RSPO4: variants seen among roughly 807,000 people sequenced by gnomAD.
RSPO4 encodes the protein R-spondin-4.
RSPO4 carries 23 observed loss-of-function variants against 24.8 expected under a neutral mutation model. The ratio of observed to expected loss-of-function variants is 0.93; its 90% CI spans 0.67 to 1.31. The LOEUF is 1.31. RSPO4 is among the 40% of genes most tolerant of loss of function. The probability of loss-of-function intolerance (pLI) is 0.00; values close to 1 mark genes in which losing one functional copy is unlikely to be tolerated. For synonymous variants in RSPO4, 141 were observed against 127.4 expected (o/e 1.11, Z -0.72); for missense variants, 333 against 316.5 (o/e 1.05, Z -0.39).
intron 1 of RSPO4, among the ~76,000 whole-genome samples, chr20:996,047 T>C (rs1985272807): frequency 6.6e-6 from 1 of 152,194 alleles, no homozygotes; most frequent in South Asian, 2.1e-4. Context: ...TTGGCAAAAA[T>C]CGCAGCCTCT....
intron 1 of RSPO4, among the ~76,000 whole-genome samples, chr20:969,508 T>C (rs1033258189): frequency 6.6e-6 from 1 of 152,144 alleles, no homozygotes; most frequent in African/African-American, 2.4e-5. Context: ...CCTGCGAATC[T>C]GCCCCCTTCC....
At chr20:972,358 G>A (rs1021213336) in intron 1 of RSPO4, among the ~76,000 whole-genome samples, 9 of 152,200 alleles carry the variant, frequency 5.9e-5, no homozygotes, top group Non-Finnish European at 7.3e-5. Context: ...GAGCCACAGC[G>A]CCCGGCTGGA....
At chr20:996,884 T>G (rs1985308080) in intron 1 of RSPO4, among the ~76,000 whole-genome samples, 1 of 152,192 alleles carries the variant, frequency 6.6e-6, no homozygotes, top group South Asian at 2.1e-4. Flanking sequence ...GCAGAGGTCC[T>G]CACCTTACTG....
intron 1 of RSPO4, among the ~76,000 whole-genome samples, chr20:995,749 C>T (rs575033559): frequency 8.8e-4 from 134 of 152,312 alleles, no homozygotes; most frequent in African/African-American, 3.0e-3. Context: ...GGAATCTGCC[C>T]CTTACAGCTG....
chr20:994,863 T>G (rs1985224810), intron 1 of RSPO4, among the ~76,000 whole-genome samples: 2 of 152,060 alleles, frequency 1.3e-5, no homozygotes, highest in Non-Finnish European at 2.9e-5. Context: ...TGCGCCTGGC[T>G]CCATCCTGTC....
chr20:962,751 G>A lies in RSPO4; in HGVS notation c.595+1184C>T, dbSNP rs7273214. On this transcript the variant is annotated intron_variant, in intron 4 of 4. Transcript: ENST00000217260. The stretch of plus-strand genomic sequence containing the variant: ...CCACTATGTCCCAGCTGGGTGCCCC[G>A]GGTGGCCTGGTTCCAGGTCCCTCAT... Among the ~76,000 whole-genome samples, 7 of 152,244 alleles carry A rather than the reference G, an allele frequency of 4.6e-5. No homozygotes were observed. The South Asian group carries it at 1.2e-3, about 27-fold the overall frequency.
intron 3 of RSPO4, 100 bp from the exon 4 acceptor site, chr20:964,220 T>C: frequency 1.2e-6 from 1 of 842,248 alleles, no homozygotes; most frequent in Non-Finnish European, 1.8e-6. Context: ...TTCAGTCCTC[T>C]GAAGACTGAA....
At position 984,634 on chromosome 20, in the gene RSPO4, T is replaced by A. The variant is rs188409232; in HGVS notation, c.80-16496A>T. ...AATCACACCTGGCACAAAGTGAGCA[T>A]CTTCAAGGACCCTATTCTGGGTCTG... is the stretch of plus-strand genomic sequence containing the variant. On this transcript the variant is annotated intron_variant, in intron 1 of 4. Transcript: ENST00000217260. Among the ~76,000 whole-genome samples, 148 of 152,292 alleles carry A rather than the reference T, an allele frequency of 9.7e-4. 1 individual carries two copies. The highest frequency in any genetic ancestry group is 1.8e-3 in the Non-Finnish European group (120 of 68,022).
At chr20:983,598 G>A (rs2122243940) in intron 1 of RSPO4, among the ~76,000 whole-genome samples, 1 of 152,322 alleles carries the variant, frequency 6.6e-6, no homozygotes. Context: ...AATTTTGTGG[G>A]ACTCTGGAGC....
Position 960,133 on chromosome 20 carries a change from G to C in RSPO4, c.*224C>G. On this transcript the variant is annotated 3_prime_UTR_variant, in exon 5 of 5. Coordinates refer to ENST00000217260, the MANE Select transcript of RSPO4 (RefSeq NM_001029871.4). ...GAGAAAGAAGAGGAAGGAAGGGAAG[G>C]AGGGAGGGAGAAAGGAGAGGAGAAT... 1 of 583,280 alleles carries C rather than the reference G, an allele frequency of 1.7e-6. No individual in the cohort carries two copies. Among genetic ancestry groups the C allele is most frequent in the Non-Finnish European group, 3.1e-6 (1 of 327,562 alleles). 36.1% of individuals were successfully genotyped at this position (583,280 alleles called of 1,614,324 possible).
intron 3 of RSPO4, among the ~76,000 whole-genome samples, chr20:966,853 C>G (rs1984217603): frequency 1.3e-5 from 2 of 151,112 alleles, no homozygotes; most frequent in South Asian, 4.2e-4. Context: ...GACCCTATCT[C>G]AAACAAAACA....
intron 1 of RSPO4, among the ~76,000 whole-genome samples, chr20:1,000,681 G>A (rs1985432959): frequency 1.3e-5 from 2 of 152,170 alleles, no homozygotes; most frequent in African/African-American, 2.4e-5. Flanking sequence ...TGGGGAAGCT[G>A]GGATTTGAAC....
At chr20:1,001,915 T>C (rs1985477167) in intron 1 of RSPO4, among the ~76,000 whole-genome samples, 171 bp downstream of exon 1, 1 of 152,154 alleles carries the variant, frequency 6.6e-6, no homozygotes, top group African/African-American at 2.4e-5. Context: ...CTGGGTGCCC[T>C]GGAGCCTCAA....
chr20:974,766 C>G (rs566214381), intron 1 of RSPO4, among the ~76,000 whole-genome samples: 1 of 152,198 alleles, frequency 6.6e-6, no homozygotes, highest in Non-Finnish European at 1.5e-5. Flanking sequence ...AGAATGGAGG[C>G]CATACAGCAG....
intron 1 of RSPO4, among the ~76,000 whole-genome samples, chr20:990,703 G>C (rs1985072743): frequency 6.6e-6 from 1 of 152,158 alleles, no homozygotes; most frequent in Non-Finnish European, 1.5e-5. Context: ...TGTTGGCTGA[G>C]GATTCTCCTT....
At chr20:987,904 G>C (rs114761485) in intron 1 of RSPO4, among the ~76,000 whole-genome samples, 1 of 152,262 alleles carries the variant, frequency 6.6e-6, no homozygotes, top group African/African-American at 2.4e-5. Flanking sequence ...AGGCACTGCA[G>C]ATACATCAGT....
At chr20:997,889 G>A (rs981131317) in intron 1 of RSPO4, among the ~76,000 whole-genome samples, 1 of 152,200 alleles carries the variant, frequency 6.6e-6, no homozygotes, top group African/African-American at 2.4e-5. Flanking sequence ...CTTAACCCAC[G>A]TGAGACCCCA....
intron 1 of RSPO4, among the ~76,000 whole-genome samples, chr20:969,059 T>C (rs1259122633): frequency 6.6e-6 from 1 of 152,190 alleles, no homozygotes; most frequent in Non-Finnish European, 1.5e-5. Flanking sequence ...CTCATGCCTG[T>C]CATCCCAGCA....
At chr20:1,000,540 G>A (rs187602110) in intron 1 of RSPO4, among the ~76,000 whole-genome samples, 1 of 152,302 alleles carries the variant, frequency 6.6e-6, no homozygotes, top group East Asian at 1.9e-4. Flanking sequence ...GAAGGGAAAG[G>A]GGGTTTGTTT....
Sources: allele counts gnomAD v4.1 joint callset (sites outside exome capture counted in the v4.1 genomes callset), GRCh38; gene constraint gnomAD v4.1.1; transcripts MANE v1.5; gene names NCBI Gene and HGNC (gene_info 2026-07-23, HGNC 2026-07-21).